FER: variants seen among roughly 807,000 people sequenced by gnomAD.
FER encodes the protein tyrosine-protein kinase Fer.
Under a neutral mutation model 111.0 loss-of-function variants are expected in FER, and 63 were observed. The observed-to-expected ratio is 0.57, with a 90% CI of 0.46 to 0.70. The LOEUF is 0.70. Ranked by LOEUF, FER falls within the 30% of genes least tolerant of loss-of-function variation. The pLI, the probability that FER is intolerant of heterozygous loss-of-function variation, is 0.00. For synonymous variants in FER, 327 were observed against 313.9 expected (o/e 1.04, Z -0.44); for missense variants, 914 against 954.0 (o/e 0.96, Z 0.55).
At chr5:109,161,789 A>G (rs193007475) in intron 17 of FER, among the ~76,000 whole-genome samples, 27 of 152,150 alleles carry the variant, frequency 1.8e-4, no homozygotes, top group Admixed American at 5.2e-4. Flanking sequence ...TGCAACCCCA[A>G]TGTGATTGCT....
chr5:109,086,782 G>GT (rs1777611983), intron 16 of FER, among the ~76,000 whole-genome samples: 1 of 150,878 alleles, frequency 6.6e-6, no homozygotes, highest in East Asian at 1.9e-4. Flanking sequence ...TGATATATTA[G>GT]TTTGCTAGAG....
chr5:109,015,524 A>G (rs1561776395), intron 13 of FER, among the ~76,000 whole-genome samples: 1 of 151,950 alleles, frequency 6.6e-6, no homozygotes, highest in Non-Finnish European at 1.5e-5. Context: ...TGACTGAGAC[A>G]TAGCCTTTTC....
chr5:108,775,412 T>C (rs1220959211), intron 2 of FER, among the ~76,000 whole-genome samples: 1 of 152,236 alleles, frequency 6.6e-6, no homozygotes, highest in Non-Finnish European at 1.5e-5. Context: ...ATCTGTCACA[T>C]GATTCCCTAA....
At chr5:108,790,271 A>ACT (rs1561422783) in intron 2 of FER, among the ~76,000 whole-genome samples, 1 of 150,024 alleles carries the variant, frequency 6.7e-6, no homozygotes, top group Non-Finnish European at 1.5e-5. Flanking sequence ...ACACACACAC[A>ACT]CACTCTTACA....
chr5:109,180,987 C>T (rs1470489014), intron 18 of FER, 86 bp downstream of exon 18: 1 of 1,098,374 alleles, frequency 9.1e-7, no homozygotes, highest in Non-Finnish European at 1.3e-6. Context: ...ACAGGGGTAG[C>T]ACAGAATGCA....
At chr5:108,903,339 T>C (rs1026545695) in intron 10 of FER, among the ~76,000 whole-genome samples, 2 of 152,206 alleles carry the variant, frequency 1.3e-5, no homozygotes, top group Admixed American at 6.5e-5. Context: ...TTTTGTTACA[T>C]TTTCAACCAA....
intron 1 of FER, among the ~76,000 whole-genome samples, chr5:108,758,115 G>A (rs1252374091): frequency 6.6e-6 from 1 of 152,186 alleles, no homozygotes; most frequent in Non-Finnish European, 1.5e-5. Context: ...CAAGAGGCAA[G>A]CTGTTGCAGG....
chr5:109,017,342 G>A (rs116605150), intron 13 of FER, among the ~76,000 whole-genome samples: 1,574 of 151,982 alleles, frequency 0.01, 31 homozygotes, highest in African/African-American at 0.036. Flanking sequence ...AGAATTTAAA[G>A]TATTTTATTT....
At chr5:108,760,198 G>C (rs1751574239) in intron 1 of FER, among the ~76,000 whole-genome samples, 1 of 150,428 alleles carries the variant, frequency 6.6e-6, no homozygotes, top group South Asian at 2.1e-4. Flanking sequence ...CTGAACAATG[G>C]GCTTAAAATA....
At chr5:108,911,849 GT>G (rs1344107225) in intron 10 of FER, among the ~76,000 whole-genome samples, 3 of 152,212 alleles carry the variant, frequency 2.0e-5, no homozygotes, top group Non-Finnish European at 2.9e-5. Context: ...GTATCATGCA[GT>G]TTTAGTTATG....
intron 3 of FER, among the ~76,000 whole-genome samples, chr5:108,808,710 G>A (rs959230714): frequency 1.2e-4 from 18 of 152,106 alleles, no homozygotes; most frequent in African/African-American, 4.1e-4. Context: ...GCATGTTTTT[G>A]TGGTAGCAGG....
intron 13 of FER, among the ~76,000 whole-genome samples, chr5:109,032,867 A>G (rs1159438610): frequency 2.6e-5 from 4 of 152,208 alleles, no homozygotes; most frequent in Non-Finnish European, 4.4e-5. Context: ...TAATCATGAT[A>G]TATTAATACT....
intron 13 of FER, among the ~76,000 whole-genome samples, chr5:109,026,439 T>G (rs1389873386): frequency 1.3e-5 from 2 of 152,158 alleles, no homozygotes; most frequent in African/African-American, 4.8e-5. Context: ...GTTTTTTTTT[T>G]TCCTCTAAAG....
At position 109,188,500 on chromosome 5, in the gene FER, A is replaced by G. The variant is rs564734428; in HGVS notation, c.*925A>G. The G allele has an allele frequency of 2.0e-5, 3 of 152,164 alleles. No individual in the cohort carries two copies. Among genetic ancestry groups the G allele is most frequent in the Admixed American group, 1.3e-4 (2 of 15,286 alleles). 9.4% of individuals were successfully genotyped at this position (152,164 alleles called of 1,614,324 possible). On this transcript the variant is annotated 3_prime_UTR_variant, in exon 20 of 20. Transcript: ENST00000281092. ...GCTGTGAAGCAAGAAACAGATTTGA[A>G]CAGGAGGGTGGGCTGGAGAACAGAG...
chr5:108,947,597 A>G (rs544200891), intron 11 of FER, among the ~76,000 whole-genome samples: 2 of 151,910 alleles, frequency 1.3e-5, no homozygotes, highest in African/African-American at 2.4e-5. Context: ...CTCCTTATAC[A>G]TATAATCTAC....
At chr5:109,158,113 A>T (rs2126724204) in intron 17 of FER, among the ~76,000 whole-genome samples, 1 of 152,224 alleles carries the variant, frequency 6.6e-6, no homozygotes, top group Admixed American at 6.5e-5. Context: ...ACGGTGGCTC[A>T]TGCCTGTAAC....
chr5:109,108,471 T>A (rs1413545102), intron 17 of FER, among the ~76,000 whole-genome samples: 1 of 152,164 alleles, frequency 6.6e-6, no homozygotes, highest in East Asian at 1.9e-4. Context: ...GAGAATCTTT[T>A]ATAGATCCTA....
intron 16 of FER, among the ~76,000 whole-genome samples, chr5:109,079,217 A>G (rs1344111096): frequency 6.6e-6 from 1 of 152,170 alleles, no homozygotes; most frequent in African/African-American, 2.4e-5. Flanking sequence ...TCAACTTTAT[A>G]AGATGCTGTG....
chr5:109,092,583 G>T (rs1271296322), intron 16 of FER, among the ~76,000 whole-genome samples: 1 of 152,042 alleles, frequency 6.6e-6, no homozygotes, highest in South Asian at 2.1e-4. Context: ...TGTTAGGATG[G>T]CCACTATAAA....
Sources: gnomAD v4.1 joint callset for allele counts (sites outside exome capture counted in the v4.1 genomes callset) on GRCh38, gnomAD v4.1.1 for gene constraint, MANE v1.5 for transcripts, NCBI Gene and HGNC (gene_info 2026-07-23, HGNC 2026-07-21) for gene names.